Variants in NEDD4L observed in about 807,000 individuals in gnomAD.
The protein encoded by NEDD4L is NEDD4 like E3 ubiquitin protein ligase.
In NEDD4L, 54 loss-of-function variants were observed where a neutral mutation model predicts 148.9. The observed-to-expected ratio is 0.36, with a 90% CI of 0.29 to 0.45. The LOEUF is 0.45. Ranked by LOEUF, NEDD4L falls within the 20% of genes least tolerant of loss-of-function variation. The probability of loss-of-function intolerance (pLI) is 1.00; values close to 1 mark genes in which losing one functional copy is unlikely to be tolerated. For missense variants in NEDD4L, 856 were observed against 1,233.8 expected, an observed-to-expected ratio of 0.69 and a Z score of 4.59; for synonymous variants, 433 against 440.7, an observed-to-expected ratio of 0.98 and a Z score of 0.22.
At chr18:58,342,463 A>G (rs17064830) in intron 15 of NEDD4L, among the ~76,000 whole-genome samples, 1,866 of 152,276 alleles carry the variant, frequency 0.012, 42 homozygotes, top group African/African-American at 0.042. Flanking sequence ...TGTCTCTTCC[A>G]CACTCTGATA....
intron 8 of NEDD4L, among the ~76,000 whole-genome samples, 166 bp from the exon 9 acceptor site, chr18:58,324,830 T>A (rs763107590): frequency 3.2e-4 from 48 of 152,238 alleles, no homozygotes; most frequent in South Asian, 6.2e-4. Context: ...ATATATATAT[T>A]TTTTTGGCCT....
At chr18:58,180,165 C>T (rs891639461) in intron 2 of NEDD4L, among the ~76,000 whole-genome samples, 2 of 152,160 alleles carry the variant, frequency 1.3e-5, no homozygotes, top group African/African-American at 4.8e-5. Flanking sequence ...GTCTTTGTGA[C>T]GCCCTGCAAC....
chr18:58,357,856 C>A (rs1430192140), intron 19 of NEDD4L, among the ~76,000 whole-genome samples: 2 of 152,092 alleles, frequency 1.3e-5, no homozygotes, highest in Non-Finnish European at 2.9e-5. Flanking sequence ...GTGTGAGAAC[C>A]CCACTCCCTG....
At chr18:58,286,940 G>T (rs1267702833) in intron 5 of NEDD4L, among the ~76,000 whole-genome samples, 1 of 152,170 alleles carries the variant, frequency 6.6e-6, no homozygotes, top group Non-Finnish European at 1.5e-5. Context: ...GATATATGGG[G>T]ACATTTGACT....
At chr18:58,362,525 GGA>G (rs1258937969) in intron 19 of NEDD4L, among the ~76,000 whole-genome samples, 2 of 152,318 alleles carry the variant, frequency 1.3e-5, no homozygotes, top group East Asian at 3.9e-4. Flanking sequence ...AACGCTGGCA[GGA>G]GAGAGTGGAA....
At chr18:58,170,003 T>G (rs1322643204) in intron 2 of NEDD4L, among the ~76,000 whole-genome samples, 5 of 152,226 alleles carry the variant, frequency 3.3e-5, no homozygotes, top group Non-Finnish European at 4.4e-5. Context: ...TATTTATTTA[T>G]TTTTATTTTC....
At chr18:58,144,819 G>T (rs935186431) in intron 1 of NEDD4L, among the ~76,000 whole-genome samples, 1 of 152,192 alleles carries the variant, frequency 6.6e-6, no homozygotes, top group African/African-American at 2.4e-5. Context: ...CTACTGCTAT[G>T]TCCACAGCAC....
chr18:58,387,710 A>T (rs926571076), intron 27 of NEDD4L: 3 of 502,086 alleles, frequency 6.0e-6, no homozygotes, highest in Non-Finnish European at 9.6e-6. Context: ...GGAGTAAGGA[A>T]CAGCAAAAAT....
In NEDD4L at chr18:58,330,871, A is replaced by G. The variant is rs1343420176; in HGVS notation, c.947A>G (p.Gln316Arg). ...ELSEELSRRL[Q>R]ITPDSNGEQF... ...TCAGAGGAACTAAGCAGAAGGCTTC[A>G]GATCACTCCAGACTCCAATGGGGAA... Residue 316 changes from glutamine (Q) to arginine (R), a missense_variant, in exon 11 of 31, where the codon CAG (glutamine) becomes CGG (arginine). By Grantham distance (43) the Gln-to-Arg change is conservative (BLOSUM62 1). Coordinates refer to ENST00000400345, the MANE Select transcript of NEDD4L (RefSeq NM_001144967.3). 11 of 1,613,990 alleles carry G rather than the reference A, an allele frequency of 6.8e-6. No homozygotes were observed. The highest frequency in any genetic ancestry group is 8.5e-6 in the Non-Finnish European group (10 of 1,179,864).
intron 1 of NEDD4L, among the ~76,000 whole-genome samples, chr18:58,095,341 A>G (rs919106100): frequency 6.6e-6 from 1 of 152,208 alleles, no homozygotes; most frequent in African/African-American, 2.4e-5. Flanking sequence ...GTGCAAATGA[A>G]ATGGATGATG....
intron 24 of NEDD4L, among the ~76,000 whole-genome samples, chr18:58,373,499 G>C (rs573601262): frequency 6.6e-6 from 1 of 152,312 alleles, no homozygotes; most frequent in Non-Finnish European, 1.5e-5. Flanking sequence ...AGGCCTTGGG[G>C]CATGAACCAG....
chr18:58,281,160 T>C (rs553947795), intron 5 of NEDD4L, among the ~76,000 whole-genome samples: 1 of 152,124 alleles, frequency 6.6e-6, no homozygotes, highest in East Asian at 1.9e-4. Flanking sequence ...TATTTTTTTG[T>C]AGAGAAGGTG....
intron 5 of NEDD4L, among the ~76,000 whole-genome samples, chr18:58,293,114 G>A (rs1461653978): frequency 4.6e-5 from 7 of 152,094 alleles, no homozygotes; most frequent in African/African-American, 7.2e-5. Context: ...CAAACTTGTC[G>A]AATAATACAA....
intron 2 of NEDD4L, among the ~76,000 whole-genome samples, chr18:58,179,250 GAC>G (rs2038542832): frequency 6.6e-6 from 1 of 152,162 alleles, no homozygotes; most frequent in African/African-American, 2.4e-5. Flanking sequence ...CTTGAAGTGA[GAC>G]TTCACCCACT....
At chr18:58,165,226 A>G (rs1841789907) in intron 1 of NEDD4L, among the ~76,000 whole-genome samples, 1 of 152,214 alleles carries the variant, frequency 6.6e-6, no homozygotes, top group Admixed American at 6.5e-5. Flanking sequence ...TGAACAGTTG[A>G]TTGATTTCCA....
At chr18:58,364,672 A>G (rs183736728) in intron 20 of NEDD4L, among the ~76,000 whole-genome samples, 3 of 152,348 alleles carry the variant, frequency 2.0e-5, no homozygotes, top group Non-Finnish European at 2.9e-5. Context: ...CGCAGTTATC[A>G]TATTTAATTA....
chr18:58,287,519 A>T (rs1440811310), intron 5 of NEDD4L, among the ~76,000 whole-genome samples: 1 of 152,168 alleles, frequency 6.6e-6, no homozygotes, highest in Non-Finnish European at 1.5e-5. Flanking sequence ...GGCAACGTGG[A>T]ATTAGACAAA....
chr18:58,388,891 G>A (rs1436771531), intron 27 of NEDD4L, 194 bp from the exon 28 acceptor site: 4 of 602,924 alleles, frequency 6.6e-6, no homozygotes, highest in Non-Finnish European at 1.2e-5. Context: ...AGCTGCCCTC[G>A]TGACTGCTGC....
intron 27 of NEDD4L, chr18:58,388,153 G>C (rs1164169451): frequency 6.6e-6 from 1 of 152,242 alleles, no homozygotes; most frequent in Non-Finnish European, 1.5e-5. Flanking sequence ...AAAAACAAAG[G>C]AATATCTCGC....
Sources: allele counts gnomAD v4.1 joint callset (sites outside exome capture counted in the v4.1 genomes callset), GRCh38; gene constraint gnomAD v4.1.1; transcripts MANE v1.5; gene names NCBI Gene and HGNC (gene_info 2026-07-23, HGNC 2026-07-21).